Variants in KCNMB3 observed in about 807,000 individuals in gnomAD.
KCNMB3 encodes potassium calcium-activated channel subfamily M regulatory beta subunit 3.
Under a neutral mutation model 11.9 loss-of-function variants are expected in KCNMB3, and 18 were observed. That is an observed-to-expected ratio of 1.51 (90% CI 1.04 to 2.23). The LOEUF (loss-of-function observed/expected upper bound fraction) is 2.23, where lower values mean the gene tolerates loss of function less well. Ranked by LOEUF, KCNMB3 falls within the 30% of genes most tolerant of loss-of-function variation. The pLI, the probability that KCNMB3 is intolerant of heterozygous loss-of-function variation, is 0.00. For synonymous variants in KCNMB3, 78 were observed against 119.2 expected, an observed-to-expected ratio of 0.65 and a Z score of 2.25; for missense variants, 247 against 329.4, an observed-to-expected ratio of 0.75 and a Z score of 1.94.
chr3:179,260,046 G>C (rs1014745155), intron 1 of KCNMB3: 32 of 1,611,684 alleles, frequency 2.0e-5, no homozygotes, highest in Middle Eastern at 1.6e-4. Flanking sequence ...CCCTATGCTT[G>C]TCTCTAACTG....
At chr3:179,253,009 T>C (rs771112490), upstream of KCNMB3, among the ~76,000 whole-genome samples, 15 of 152,088 alleles carry the variant, frequency 9.9e-5, no homozygotes, top group Non-Finnish European at 1.6e-4. Context: ...GGATTACAGG[T>C]GTGAGCCACT....
chr3:179,267,034 C>T, upstream of KCNMB3: 1 of 694,116 alleles, frequency 1.4e-6, no homozygotes, highest in East Asian at 5.9e-5. Flanking sequence ...TGTGTTTCCG[C>T]CTCGGCAGCC....
chr3:179,262,540 C>T (rs542296979), intron 1 of KCNMB3, among the ~76,000 whole-genome samples: 3 of 152,314 alleles, frequency 2.0e-5, no homozygotes, highest in South Asian at 2.1e-4. Context: ...ACAAATCCTC[C>T]ACAGCGTGGA....
intron 1 of KCNMB3, among the ~76,000 whole-genome samples, chr3:179,246,184 G>A (rs963922865): frequency 1.3e-5 from 2 of 152,180 alleles, no homozygotes; most frequent in Non-Finnish European, 2.9e-5. Flanking sequence ...GGCCGAGGCG[G>A]GCAGATCACT....
chr3:179,252,606 C>T (rs1333216929), upstream of KCNMB3, among the ~76,000 whole-genome samples: 1 of 151,742 alleles, frequency 6.6e-6, no homozygotes, highest in Non-Finnish European at 1.5e-5. Flanking sequence ...ATGGTTAACA[C>T]TTCTTTGGGA....
chr3:179,266,618 A>G lies in KCNMB3; in HGVS notation c.62+31T>C, dbSNP rs768986814. On this transcript the variant is annotated intron_variant, in intron 1 of 3. Transcript: ENST00000349697. ...CAACTGCTTGTTCAGCCAGATTCCC[A>G]CTACCGGCAGAGCTTCCGGAAGTGA... is the stretch of plus-strand genomic sequence containing the variant. 3.1e-6 allele frequency: 5 copies of G among 1,613,212 alleles called. No individual in the cohort carries two copies. In the South Asian group the frequency reaches 5.5e-5, roughly 18 times the overall value.
intron 1 of KCNMB3, among the ~76,000 whole-genome samples, chr3:179,258,097 G>C (rs1726080945): frequency 6.6e-6 from 1 of 152,106 alleles, no homozygotes; most frequent in African/African-American, 2.4e-5. Context: ...TGTTGGCCAG[G>C]CTGGCCTTGA....
chr3:179,242,028 G>A (rs1424282826), downstream of KCNMB3: 1 of 154,088 alleles, frequency 6.5e-6, no homozygotes, highest in Non-Finnish European at 1.5e-5. Context: ...TACATGACAA[G>A]GCTAAATACT....
upstream of KCNMB3, among the ~76,000 whole-genome samples, chr3:179,252,757 A>C (rs995868020): frequency 3.0e-5 from 4 of 135,168 alleles, no homozygotes; most frequent in African/African-American, 5.8e-5. Context: ...TTTGAGATGG[A>C]GTCTCCCTCT....
At chr3:179,247,021 G>C (rs1039774075) in intron 1 of KCNMB3, among the ~76,000 whole-genome samples, 2 of 152,146 alleles carry the variant, frequency 1.3e-5, no homozygotes, top group African/African-American at 4.8e-5. Context: ...TATGAACTAC[G>C]CAGGGCTTCT....
intron 1 of KCNMB3, among the ~76,000 whole-genome samples, chr3:179,248,714 T>G (rs1425467103): frequency 1.4e-5 from 2 of 138,776 alleles, no homozygotes; most frequent in Non-Finnish European, 3.1e-5. Context: ...GGTGACAGAG[T>G]GACACCCTGC....
intron 1 of KCNMB3, among the ~76,000 whole-genome samples, chr3:179,263,952 C>A (rs952033957): frequency 1.3e-5 from 2 of 151,462 alleles, no homozygotes; most frequent in African/African-American, 4.9e-5. Context: ...ATTATAGGCG[C>A]CGGCTACCAC....
chr3:179,244,080 G>A (rs562012633), intron 2 of KCNMB3, among the ~76,000 whole-genome samples: 100 of 151,988 alleles, frequency 6.6e-4, no homozygotes, highest in African/African-American at 2.2e-3. Flanking sequence ...TCTATAATTC[G>A]TTAAATCATA....
Position 179,263,349 on chromosome 3 carries a change from G to C in KCNMB3, c.62+3300C>G, listed in dbSNP as rs372465558. Among the ~76,000 whole-genome samples, 361 of 152,216 alleles carry C rather than the reference G, an allele frequency of 2.4e-3. 1 individual carries two copies. The highest frequency in any genetic ancestry group is 8.3e-3 in the African/African-American group (346 of 41,484). On this transcript the variant is annotated intron_variant, in intron 1 of 3. Coordinates refer to the KCNMB3 transcript ENST00000349697. ...GCCCACCTGGAACTCGGACTGGCCCGCAAGCTCCGCGCACAGCCCGGGTTC... is the reference window on the plus strand; with the variant it reads ...GCCCACCTGGAACTCGGACTGGCCCCCAAGCTCCGCGCACAGCCCGGGTTC...
At chr3:179,261,179 T>A in intron 1 of KCNMB3, 1 of 1,341,846 alleles carries the variant, frequency 7.5e-7, no homozygotes, top group Non-Finnish European at 1.0e-6. Context: ...CGCGCGGGCC[T>A]CCCGTTTTGC....
At chr3:179,242,736 T>C (rs1450962079), downstream of KCNMB3, 10 of 1,081,508 alleles carry the variant, frequency 9.2e-6, no homozygotes, top group Non-Finnish European at 1.2e-5. Context: ...TATGTATTTA[T>C]AGAAATAAAT....
intron 1 of KCNMB3, among the ~76,000 whole-genome samples, chr3:179,258,757 T>C (rs1161212111): frequency 6.6e-6 from 1 of 152,216 alleles, no homozygotes; most frequent in Non-Finnish European, 1.5e-5. Flanking sequence ...CAGTAGACAT[T>C]ATTGTTTGAT....
At chr3:179,242,628 A>G (rs1725491555), downstream of KCNMB3, 1 of 320,734 alleles carries the variant, frequency 3.1e-6, no homozygotes, top group African/African-American at 2.2e-5. Context: ...GAAATTAGGC[A>G]AAGAATATCT....
downstream of KCNMB3, chr3:179,240,078 A>G (rs1431393132): frequency 5.3e-6 from 8 of 1,522,460 alleles, no homozygotes; most frequent in East Asian, 2.0e-4. Flanking sequence ...TTTATTAAAA[A>G]AAAAAAGAAA....
Sources: gnomAD v4.1 joint callset for allele counts (sites outside exome capture counted in the v4.1 genomes callset) on GRCh38, gnomAD v4.1.1 for gene constraint, MANE v1.5 for transcripts, NCBI Gene and HGNC (gene_info 2026-07-23, HGNC 2026-07-21) for gene names.